Variants in TNC observed in about 807,000 individuals in gnomAD.
The protein encoded by TNC is tenascin C.
TNC carries 109 observed loss-of-function variants against 202.4 expected under a neutral mutation model. The observed-to-expected ratio is 0.54, with a 90% CI of 0.46 to 0.63. The LOEUF is 0.63. Among genes scored for constraint, TNC ranks in the 30% least tolerant of loss-of-function variants. The pLI is 0.00. For missense variants in TNC, 2,756 were observed against 2,833.3 expected (o/e 0.97, Z 0.62); for synonymous variants, 1,007 against 1,089.7 (o/e 0.92, Z 1.50).
intron 20 of TNC, among the ~76,000 whole-genome samples, chr9:115,036,554 A>G (rs1564418364): frequency 6.6e-6 from 1 of 152,116 alleles, no homozygotes; most frequent in South Asian, 2.1e-4. Context: ...ACCGAGGTAG[A>G]GGACGGTCGG....
intron 10 of TNC, among the ~76,000 whole-genome samples, chr9:115,068,370 C>T (rs1833108878): frequency 6.6e-6 from 1 of 152,156 alleles, no homozygotes; most frequent in Non-Finnish European, 1.5e-5. Flanking sequence ...ACAGTGCCAA[C>T]TTAAAAATCT....
chr9:115,098,194 C>G (rs1835939968), intron 1 of TNC, among the ~76,000 whole-genome samples: 1 of 152,154 alleles, frequency 6.6e-6, no homozygotes, highest in East Asian at 1.9e-4. Flanking sequence ...TGAATCATTT[C>G]TTCAGATTTT....
In TNC at chr9:115,019,747, C is replaced by A. The variant is rs1564392175; in HGVS notation, c.*1410G>T. 2 of 152,178 alleles carry A rather than the reference C, an allele frequency of 1.3e-5. No individual in the cohort carries two copies. The highest frequency in any genetic ancestry group is 1.5e-5 in the Non-Finnish European group (1 of 68,038). 9.4% of individuals were successfully genotyped at this position (152,178 alleles called of 1,614,324 possible). A position where few individuals can be genotyped will look rare whatever the true frequency, so the allele number is the denominator to read the frequency against. Reference sequence around the variant, plus strand: ...CCTCAAATGGATAACATAATTTATTCTTCACAAAAATGTTCTGAAATGAGA... The same window carrying A: ...CCTCAAATGGATAACATAATTTATTATTCACAAAAATGTTCTGAAATGAGA... On this transcript the variant is annotated 3_prime_UTR_variant, in exon 28 of 28. Coordinates refer to ENST00000350763, the MANE Select transcript of TNC (RefSeq NM_002160.4).
Position 115,057,312 on chromosome 9 carries a change from C to G in TNC, c.4420G>C (p.Asp1474His). The stretch of plus-strand genomic sequence containing the variant: ...ACAGTCTCCAGCAACCTATTGGAAT[C>G]AATAATTTCAATGGTAAAGGTCTCG... ...IFETFTIEII[D>H]SNRLLETVEY... Residue 1474 changes from aspartate to histidine, a missense_variant, in exon 15 of 28, where the codon GAT (aspartate) becomes CAT (histidine). Physicochemically the swap from Asp to His is moderately conservative, Grantham distance 81. Around this residue, in one of 2 missense-constraint regions of TNC, gnomAD observed 2,559 missense variants for 2,546.0 expected, o/e 1.01. Transcript: ENST00000350763. 2 of 1,614,068 alleles carry G rather than the reference C, an allele frequency of 1.2e-6. No individual in the cohort carries two copies. The highest frequency in any genetic ancestry group is 1.7e-6 in the Non-Finnish European group (2 of 1,180,024).
rs1308967831 is a variant in TNC at position 115,020,789 on chromosome 9, A to T, written c.*368T>A. 6.8e-5 allele frequency: 18 copies of T among 266,496 alleles called. No individual in the cohort carries two copies. In the Admixed American group the frequency reaches 8.4e-4, roughly 13 times the overall value. The allele number at this position is 266,496 out of a possible 1,614,324, so 16.5% of individuals were successfully genotyped here. A position where few individuals can be genotyped will look rare whatever the true frequency, so the allele number is the denominator to read the frequency against. On this transcript the variant is annotated 3_prime_UTR_variant, in exon 28 of 28. Transcript: ENST00000350763. Reference sequence around the variant, plus strand: ...CTAACAAAAATAATGACAATTAATTATACAGCTTCATGTAAAATACGGCTG... The same window carrying T: ...CTAACAAAAATAATGACAATTAATTTTACAGCTTCATGTAAAATACGGCTG...
chr9:115,029,266 T>C (rs1479052407), intron 25 of TNC, 94 bp downstream of exon 25: 21 of 1,065,378 alleles, frequency 2.0e-5, no homozygotes, highest in Non-Finnish European at 2.9e-5. Flanking sequence ...TTCTTCCTCA[T>C]CTCTTTCTCT....
chr9:115,077,843 G>C (rs568060135), intron 7 of TNC, 100 bp downstream of exon 7: 1 of 1,240,618 alleles, frequency 8.1e-7, no homozygotes, highest in African/African-American at 1.5e-5. Context: ...TTCATTTTTC[G>C]TACTGTAAAA....
intron 15 of TNC, among the ~76,000 whole-genome samples, chr9:115,053,237 T>A (rs996385847): frequency 1.3e-5 from 2 of 152,238 alleles, no homozygotes; most frequent in Non-Finnish European, 2.9e-5. Context: ...TTTATTTTAT[T>A]TTTTAGATCT....
chr9:115,088,548 T>G (rs1161824643), intron 2 of TNC, among the ~76,000 whole-genome samples: 1 of 152,150 alleles, frequency 6.6e-6, no homozygotes, highest in Non-Finnish European at 1.5e-5. Context: ...CAGAAGTCAT[T>G]GGTCTGATCT....
chr9:115,051,438 C>A (rs188342260), intron 15 of TNC, among the ~76,000 whole-genome samples: 1 of 152,150 alleles, frequency 6.6e-6, no homozygotes, highest in African/African-American at 2.4e-5. Flanking sequence ...ATACCCAAAG[C>A]CAACCCCAAT....
intron 4 of TNC, among the ~76,000 whole-genome samples, chr9:115,083,576 A>G (rs1260533404): frequency 6.6e-6 from 1 of 150,592 alleles, no homozygotes; most frequent in African/African-American, 2.4e-5. Context: ...TATTTCATAC[A>G]TATACTAACT....
rs1341297338 is a variant in TNC, at chr9:115,036,154, A to G, written c.5600T>C (p.Ile1867Thr). The G allele has an allele frequency of 6.2e-7, 1 of 1,614,104 alleles. No individual in the cohort carries two copies. The highest frequency in any genetic ancestry group is 1.3e-5 in the African/African-American group (1 of 75,012). The change falls in exon 21 of 28, where the codon ATC becomes ACC. Residue 1867 changes from isoleucine (I) to threonine (T), a missense_variant. Physicochemically the swap from Ile to Thr is moderately conservative, Grantham distance 89. Around this residue, in one of 2 missense-constraint regions of TNC, gnomAD observed 2,559 missense variants for 2,546.0 expected, o/e 1.01. Transcript: ENST00000350763. ...LEPATEYTLRIFAEKGPQKSS... is the reference protein window; with the variant it reads ...LEPATEYTLRTFAEKGPQKSS... ...CTTCTGGGGCCCTTTCTCTGCAAAG[A>G]TTCTCAGTGTGTATTCCGTGGCAGG...
chr9:115,091,597 G>A (rs1835240312), intron 1 of TNC, among the ~76,000 whole-genome samples: 1 of 152,214 alleles, frequency 6.6e-6, no homozygotes, highest in Non-Finnish European at 1.5e-5. Context: ...TGTCTTCTGA[G>A]TGAATTATTA....
intron 17 of TNC, among the ~76,000 whole-genome samples, chr9:115,045,806 A>C (rs1831143899): frequency 6.6e-6 from 1 of 152,052 alleles, no homozygotes. Context: ...TCAAAGTTAG[A>C]GAGCTTCATA....
intron 10 of TNC, among the ~76,000 whole-genome samples, chr9:115,066,786 G>C (rs1832989268): frequency 6.6e-6 from 1 of 152,206 alleles, no homozygotes; most frequent in Non-Finnish European, 1.5e-5. Flanking sequence ...CAATTCTGGT[G>C]CCACAGATAA....
Position 115,058,591 on chromosome 9 carries a change from G to A in TNC, c.4306+1139C>T, listed in dbSNP as rs554834899. The stretch of plus-strand genomic sequence containing the variant: ...AAATTCTAGGCATTTCAGGGTCACC[G>A]TCCTGGCAGTGGTTGCCTGTGCTTT... On this transcript the variant is annotated intron_variant, in intron 14 of 27. Coordinates refer to ENST00000350763, the MANE Select transcript of TNC (RefSeq NM_002160.4). 4.6e-5 allele frequency among the ~76,000 whole-genome samples: 7 copies of A among 152,310 alleles called. No homozygotes were observed. In the East Asian group the frequency reaches 5.8e-4, roughly 13 times the overall value.
intron 10 of TNC, among the ~76,000 whole-genome samples, chr9:115,072,809 G>A (rs1019011785): frequency 1.3e-5 from 2 of 152,104 alleles, no homozygotes; most frequent in Non-Finnish European, 2.9e-5. Flanking sequence ...GCCAAACCCT[G>A]GAAAAGTAAC....
At chr9:115,077,754 G>C (rs989799064) in intron 7 of TNC, among the ~76,000 whole-genome samples, 189 bp downstream of exon 7, 3 of 152,142 alleles carry the variant, frequency 2.0e-5, no homozygotes, top group African/African-American at 7.2e-5. Flanking sequence ...GCTTTGGAAG[G>C]TTATTTGGAA....
intron 10 of TNC, among the ~76,000 whole-genome samples, chr9:115,070,632 G>GA (rs767812257): frequency 1.3e-5 from 2 of 152,206 alleles, no homozygotes; most frequent in Non-Finnish European, 2.9e-5. Context: ...AATTCCCCAG[G>GA]AAAAATTCTT....
Sources: allele counts gnomAD v4.1 joint callset (sites outside exome capture counted in the v4.1 genomes callset), GRCh38; gene constraint gnomAD v4.1.1; regional missense constraint gnomAD v4.1.1; transcripts MANE v1.5; gene names NCBI Gene and HGNC (gene_info 2026-07-23, HGNC 2026-07-21).